The following TENM2 variants were observed in gnomAD, a reference collection of about 807,000 sequenced individuals.
TENM2 encodes the protein teneurin-2.
Under a neutral mutation model 245.2 loss-of-function variants are expected in TENM2, and 52 were observed. The ratio of observed to expected loss-of-function variants is 0.21; its 90% CI spans 0.17 to 0.27. The LOEUF (loss-of-function observed/expected upper bound fraction) is 0.27. Ranked by LOEUF, TENM2 falls within the 10% of genes least tolerant of loss-of-function variation. The pLI is 1.00. For missense variants in TENM2, 3,046 were observed against 3,666.8 expected (o/e 0.83, Z 4.37); for synonymous variants, 1,363 against 1,438.9 (o/e 0.95, Z 1.19).
chr5:168,098,479 G>A (rs1417490724), intron 9 of TENM2, among the ~76,000 whole-genome samples: 1 of 151,814 alleles, frequency 6.6e-6, no homozygotes, highest in Admixed American at 6.6e-5. Flanking sequence ...AGCATCTCAG[G>A]GTTAGTAAAT....
At chr5:167,599,453 A>G (rs1318773618) in intron 2 of TENM2, among the ~76,000 whole-genome samples, 2 of 152,206 alleles carry the variant, frequency 1.3e-5, no homozygotes, top group South Asian at 2.1e-4. Context: ...AAATCTGATT[A>G]TATCTGAACA....
At chr5:167,094,259 T>G in the TENM2 span, among the ~76,000 whole-genome samples, 3 of 152,144 alleles carry the variant, frequency 2.0e-5, no homozygotes, top group Non-Finnish European at 4.4e-5. Context: ...ACGTGTATAC[T>G]CTCATGAAAC....
At chr5:167,855,830 G>GCA (rs1771029419) in intron 2 of TENM2, among the ~76,000 whole-genome samples, 1 of 33,964 alleles carries the variant, frequency 2.9e-5, no homozygotes, top group South Asian at 1.3e-3. Flanking sequence ...AGGAAGGGAG[G>GCA]GAGAGAGGGA....
At chr5:167,446,103 T>A (rs1430336120) in intron 2 of TENM2, among the ~76,000 whole-genome samples, 1 of 152,190 alleles carries the variant, frequency 6.6e-6, no homozygotes, top group South Asian at 2.1e-4. Context: ...TAATCACTTG[T>A]TGGCAAATAT....
At chr5:167,404,362 G>A (rs1762517361) in intron 2 of TENM2, among the ~76,000 whole-genome samples, 1 of 152,064 alleles carries the variant, frequency 6.6e-6, no homozygotes, top group African/African-American at 2.4e-5. Flanking sequence ...CATCAGCATA[G>A]GATAAGATCA....
intron 2 of TENM2, among the ~76,000 whole-genome samples, chr5:167,706,486 C>T (rs2150464481): frequency 6.7e-6 from 1 of 150,006 alleles, no homozygotes; most frequent in East Asian, 2.0e-4. Flanking sequence ...TCTATATATC[C>T]ATTCATCTGT....
rs116135237 is a variant in TENM2, at chr5:168,182,810, C to T, written c.2570-7527C>T. ...CACGTGAGCCCTGATCCCTGTTCCT[C>T]CCCTTCAGGGTGCTCTTTTTTTTTT... On this transcript the variant is annotated intron_variant, in intron 13 of 28. Coordinates refer to ENST00000518659, the Ensembl canonical transcript of TENM2. Among the ~76,000 whole-genome samples the T allele has an allele frequency of 4.4e-3, 662 of 151,338 alleles. 7 individuals are homozygous for T. Among genetic ancestry groups the T allele is most frequent in the African/African-American group, 0.015 (618 of 41,114 alleles).
intron 1 of TENM2, among the ~76,000 whole-genome samples, chr5:167,327,184 T>C (rs1172447344): frequency 3.3e-5 from 5 of 151,804 alleles, no homozygotes; most frequent in Admixed American, 6.5e-5. Context: ...GCTCCCCGCA[T>C]CCCACAACAG....
chr5:168,152,810 G>A (rs1756772260), intron 12 of TENM2, among the ~76,000 whole-genome samples: 1 of 152,156 alleles, frequency 6.6e-6, no homozygotes, highest in African/African-American at 2.4e-5. Flanking sequence ...TCAGTCCAGA[G>A]GTATCTGCTT....
chr5:167,445,332 T>TAGGGAG (rs71591182), intron 2 of TENM2, among the ~76,000 whole-genome samples: 6 of 77,060 alleles, frequency 7.8e-5, no homozygotes, highest in East Asian at 3.8e-4. Context: ...TATATATATA[T>TAGGGAG]ATATAGAGAG....
rs375949293 is a variant in TENM2, at chr5:167,727,756, G to A, written c.503-148230G>A. ...TTTACTACAGCACCATTATGCAGATGAAGATATTGAGGCCCAGAAAGGTTT... is the reference window on the plus strand; with the variant it reads ...TTTACTACAGCACCATTATGCAGATAAAGATATTGAGGCCCAGAAAGGTTT... On this transcript the variant is annotated intron_variant, in intron 2 of 28. Coordinates refer to ENST00000518659, the Ensembl canonical transcript of TENM2. 1.2e-4 allele frequency among the ~76,000 whole-genome samples: 19 copies of A among 152,316 alleles called. 1 individual carries two copies. Among genetic ancestry groups the A allele is most frequent in the Admixed American group, 9.2e-4 (14 of 15,298 alleles).
At chr5:167,734,731 G>A (rs910225648) in intron 2 of TENM2, among the ~76,000 whole-genome samples, 1 of 151,996 alleles carries the variant, frequency 6.6e-6, no homozygotes, top group Non-Finnish European at 1.5e-5. Flanking sequence ...AAGAATATGG[G>A]GGCAATTAAA....
chr5:167,042,597 TAGAG>T, the TENM2 span, among the ~76,000 whole-genome samples: 45 of 152,192 alleles, frequency 3.0e-4, no homozygotes, highest in African/African-American at 1.0e-3. Flanking sequence ...TGGGAAAAGA[TAGAG>T]AGATACCTTT....
At chr5:168,166,424 A>C (rs1758311902) in intron 13 of TENM2, among the ~76,000 whole-genome samples, 1 of 152,236 alleles carries the variant, frequency 6.6e-6, no homozygotes, top group South Asian at 2.1e-4. Context: ...CAAATAACAG[A>C]TAGAGATATT....
chr5:167,996,616 A>G (rs1393820415), intron 5 of TENM2, among the ~76,000 whole-genome samples: 1 of 152,098 alleles, frequency 6.6e-6, no homozygotes, highest in Non-Finnish European at 1.5e-5. Flanking sequence ...AACCTCACCT[A>G]TTTTAGACAA....
At chr5:167,877,723 A>C (rs1773547165) in intron 3 of TENM2, among the ~76,000 whole-genome samples, 1 of 152,346 alleles carries the variant, frequency 6.6e-6, no homozygotes, top group East Asian at 1.9e-4. Flanking sequence ...TGTTAACTTA[A>C]TGGAATATAT....
At chr5:167,865,277 C>T (rs1772206939) in intron 2 of TENM2, among the ~76,000 whole-genome samples, 2 of 152,076 alleles carry the variant, frequency 1.3e-5, no homozygotes. Context: ...TTCTCTCTCT[C>T]TCTTTTATTT....
At chr5:167,456,865 A>C (rs987258076) in intron 2 of TENM2, among the ~76,000 whole-genome samples, 7 of 152,186 alleles carry the variant, frequency 4.6e-5, no homozygotes, top group African/African-American at 1.2e-4. Context: ...CAATATGTGA[A>C]TATCCACATT....
At chr5:167,164,225 G>C in the TENM2 span, among the ~76,000 whole-genome samples, 6 of 152,174 alleles carry the variant, frequency 3.9e-5, no homozygotes, top group Admixed American at 1.3e-4. Context: ...TCTCAGTCGA[G>C]GACCAGATTC....
Sources: allele counts gnomAD v4.1 joint callset (sites outside exome capture counted in the v4.1 genomes callset), GRCh38; gene constraint gnomAD v4.1.1; transcripts MANE v1.5; gene names NCBI Gene and HGNC (gene_info 2026-07-23, HGNC 2026-07-21).